Variants in SYCP1 observed in about 807,000 individuals in gnomAD.
The protein encoded by SYCP1 is synaptonemal complex protein 1, also known as cancer/testis antigen 8.
SYCP1 carries 64 observed loss-of-function variants against 153.1 expected under a neutral mutation model. The observed-to-expected ratio is 0.42, with a 90% CI of 0.34 to 0.51. The LOEUF (loss-of-function observed/expected upper bound fraction) is 0.51, where lower values mean the gene tolerates loss of function less well. Among genes scored for constraint, SYCP1 ranks in the 20% least tolerant of loss-of-function variants. The probability of loss-of-function intolerance (pLI) is 0.06; values close to 1 mark genes in which losing one functional copy is unlikely to be tolerated. For missense variants in SYCP1, 997 were observed against 1,049.0 expected (o/e 0.95, Z 0.68); for synonymous variants, 384 against 341.8 (o/e 1.12, Z -1.36).
At position 114,855,450 on chromosome 1, in the gene SYCP1, A is replaced by G. The variant is rs1163520494; in HGVS notation, c.-15A>G. 1.2e-6 allele frequency: 2 copies of G among 1,604,912 alleles called. No homozygotes were observed. The highest frequency in any genetic ancestry group is 1.7e-6 in the Non-Finnish European group (2 of 1,174,808). On this transcript the variant is annotated 5_prime_UTR_variant, in exon 2 of 32. Transcript: ENST00000369522. Reference sequence around the variant, plus strand: ...CCCCCCGGGGCAGTAGATATTTACAACCGTAACAGAGAAAATGGAAAAGCA... The same window carrying G: ...CCCCCCGGGGCAGTAGATATTTACAGCCGTAACAGAGAAAATGGAAAAGCA...
chr1:114,976,699 A>G (rs1672813878), intron 27 of SYCP1, among the ~76,000 whole-genome samples: 1 of 151,772 alleles, frequency 6.6e-6, no homozygotes, highest in African/African-American at 2.4e-5. Context: ...AAGATCAACC[A>G]TTGGTAGGTT....
intron 27 of SYCP1, among the ~76,000 whole-genome samples, chr1:114,955,356 A>C (rs561338113): frequency 6.6e-6 from 1 of 152,158 alleles, no homozygotes; most frequent in Admixed American, 6.5e-5. Context: ...ATATAAGTTC[A>C]TGAGAAATAT....
At chr1:114,862,581 C>T (rs1055520665) in intron 8 of SYCP1, among the ~76,000 whole-genome samples, 11 of 152,100 alleles carry the variant, frequency 7.2e-5, no homozygotes, top group African/African-American at 2.7e-4. Context: ...ATCTCTTGAC[C>T]ACCTGCCTCG....
intron 23 of SYCP1, among the ~76,000 whole-genome samples, chr1:114,930,151 A>G (rs547358904): frequency 9.2e-5 from 14 of 152,060 alleles, no homozygotes; most frequent in Non-Finnish European, 1.0e-4. Flanking sequence ...GAATGATGAG[A>G]TAGACATAAA....
intron 20 of SYCP1, among the ~76,000 whole-genome samples, chr1:114,919,383 T>C (rs927727459): frequency 7.9e-5 from 12 of 152,166 alleles, no homozygotes; most frequent in Admixed American, 6.5e-4. Context: ...ATCTTTTTAA[T>C]GTATTGTTGA....
chr1:114,905,974 T>A (rs1256037037), intron 16 of SYCP1, among the ~76,000 whole-genome samples: 2 of 151,146 alleles, frequency 1.3e-5, no homozygotes, highest in East Asian at 3.9e-4. Flanking sequence ...TTTTTGTCTC[T>A]TTTTTTTTGG....
intron 3 of SYCP1, among the ~76,000 whole-genome samples, chr1:114,856,921 C>CAAAAAAAAAAAAA (rs758650224): frequency 2.7e-5 from 1 of 37,280 alleles, no homozygotes. Context: ...CCTGTCTGTA[C>CAAAAAAAAAAAAA]AAAAAAAAAA....
chr1:114,859,915 A>G lies in SYCP1; in HGVS notation c.524+105A>G, dbSNP rs566952414. 21 of 346,026 alleles carry G rather than the reference A, an allele frequency of 6.1e-5. No individual in the cohort carries two copies. The South Asian group carries it at 9.2e-4, about 15-fold the overall frequency. 21.4% of individuals were successfully genotyped at this position (346,026 alleles called of 1,614,324 possible). A position where few individuals can be genotyped will look rare whatever the true frequency, so the allele number is the denominator to read the frequency against. ...TTGAGCACTTTCTATACGTTATATC[A>G]TATGAATTTATAAGTAGAATTATAT... On this transcript the variant is annotated intron_variant, in intron 7 of 31. Transcript: ENST00000369522.
intron 25 of SYCP1, among the ~76,000 whole-genome samples, chr1:114,945,415 T>C (rs750639095): frequency 2.6e-5 from 4 of 152,034 alleles, no homozygotes; most frequent in Admixed American, 2.6e-4. Context: ...ATATTTTTAA[T>C]TGTTGTTTTA....
chr1:114,916,972 C>T (rs1041408996), intron 20 of SYCP1, among the ~76,000 whole-genome samples: 9 of 152,018 alleles, frequency 5.9e-5, no homozygotes, highest in African/African-American at 2.2e-4. Context: ...GTATGCATCA[C>T]TTTAAGCATT....
At chr1:114,873,811 G>A (rs112177051) in intron 8 of SYCP1, among the ~76,000 whole-genome samples, 1,758 of 152,028 alleles carry the variant, frequency 0.012, 39 homozygotes, top group African/African-American at 0.041. Context: ...AGCTCACTGC[G>A]ACCTCTGCCT....
chr1:114,916,175 A>G (rs1393125837), intron 20 of SYCP1, among the ~76,000 whole-genome samples: 3 of 152,158 alleles, frequency 2.0e-5, no homozygotes, highest in Non-Finnish European at 4.4e-5. Context: ...TAGCATTATT[A>G]ATGTTTTTAT....
At chr1:114,934,929 G>A (rs1014463088) in intron 23 of SYCP1, among the ~76,000 whole-genome samples, 1 of 152,108 alleles carries the variant, frequency 6.6e-6, no homozygotes, top group Non-Finnish European at 1.5e-5. Context: ...GACCTAGAAA[G>A]GTACTTAGAC....
chr1:114,884,007 A>G (rs1666131283), intron 12 of SYCP1, among the ~76,000 whole-genome samples: 2 of 151,908 alleles, frequency 1.3e-5, no homozygotes, highest in Non-Finnish European at 2.9e-5. Context: ...TACTTTTTCT[A>G]TTTTTTCCCC....
chr1:114,871,390 A>G (rs955489160), intron 8 of SYCP1, among the ~76,000 whole-genome samples: 8 of 149,646 alleles, frequency 5.3e-5, no homozygotes. Flanking sequence ...CTGGTCTTGA[A>G]CTCTTGACCT....
intron 8 of SYCP1, among the ~76,000 whole-genome samples, chr1:114,861,798 T>TC (rs1664392574): frequency 6.7e-6 from 1 of 150,064 alleles, no homozygotes; most frequent in Non-Finnish European, 1.5e-5. Context: ...GTTTTTTTAT[T>TC]CTTTTTTTTT....
At chr1:114,977,154 A>AT (rs1232839909) in intron 27 of SYCP1, among the ~76,000 whole-genome samples, 2 of 151,820 alleles carry the variant, frequency 1.3e-5, no homozygotes, top group Non-Finnish European at 3.0e-5. Context: ...TTTTCTCAAC[A>AT]TGCATAGAAA....
intron 29 of SYCP1, among the ~76,000 whole-genome samples, 186 bp from the exon 30 acceptor site, chr1:114,984,539 C>CT (rs1200002170): frequency 6.6e-6 from 1 of 151,856 alleles, no homozygotes; most frequent in East Asian, 1.9e-4. Context: ...AGAAAGACAA[C>CT]TTATAGTATC....
chr1:114,857,082 T>G, intron 3 of SYCP1, 150 bp from the exon 4 acceptor site: 1 of 574,790 alleles, frequency 1.7e-6, no homozygotes, highest in Non-Finnish European at 2.8e-6. Flanking sequence ...CAGTGAGCCA[T>G]GATGGGTCAC....
Sources: allele counts gnomAD v4.1 joint callset (sites outside exome capture counted in the v4.1 genomes callset), GRCh38; gene constraint gnomAD v4.1.1; transcripts MANE v1.5; gene names NCBI Gene and HGNC (gene_info 2026-07-23, HGNC 2026-07-21).